The following MID2 variants were observed in gnomAD, a reference collection of about 807,000 sequenced individuals.
MID2 encodes probable E3 ubiquitin-protein ligase MID2.
MID2 carries 13 observed loss-of-function variants against 46.1 expected under a neutral mutation model. The observed-to-expected ratio is 0.28, with a 90% confidence interval of 0.18 to 0.45. MID2 has a LOEUF of 0.45. Among genes scored for constraint, MID2 ranks in the 20% least tolerant of loss-of-function variants. MID2 has a pLI of 1.00. For missense variants in MID2, 431 were observed against 575.4 expected (o/e 0.75, Z 2.57); for synonymous variants, 199 against 212.3 (o/e 0.94, Z 0.55).
chrX:107,926,791 A>G lies in MID2; in HGVS notation c.1926A>G (p.Glu642=). 1 of 1,211,590 alleles carries G rather than the reference A, an allele frequency of 8.3e-7. No homozygotes were observed. The highest frequency in any genetic ancestry group is 1.7e-5 in the African/African-American group (1 of 57,768). The part of the protein sequence containing the change: ...SNFVVRHNNK[E]MLVDVPPHLK... ...TCGTGGTGAGACACAACAACAAGGA[A>G]ATGCTGGTGGATGTGCCCCCACACC... is the stretch of plus-strand genomic sequence containing the variant. Residue 642 remains glutamate (E), a synonymous_variant, in exon 10 of 10, where the codon GAA becomes GAG. Transcript: ENST00000262843.
At chrX:107,852,587 G>T (rs1217580750) in intron 2 of MID2, among the ~76,000 whole-genome samples, 3 of 111,520 alleles carry the variant, frequency 2.7e-5, no homozygotes, top group Non-Finnish European at 5.6e-5. Flanking sequence ...CACTTCCATG[G>T]GAATAAAGCC....
intron 3 of MID2, among the ~76,000 whole-genome samples, chrX:107,859,197 T>C (rs1329205637): frequency 8.9e-6 from 1 of 111,775 alleles, no homozygotes; most frequent in Non-Finnish European, 1.9e-5. Context: ...GCATAAAATA[T>C]AAATATTTTA....
At chrX:107,910,815 T>TTCCTG in intron 5 of MID2, among the ~76,000 whole-genome samples, 1 of 36,381 alleles carries the variant, frequency 2.7e-5, no homozygotes, top group African/African-American at 3.7e-4. Context: ...TTCCTTTCCT[T>TTCCTG]TCCTTTCCTT....
At chrX:107,848,746 T>C (rs184897924) in intron 2 of MID2, among the ~76,000 whole-genome samples, 1 of 111,948 alleles carries the variant, frequency 8.9e-6, no homozygotes, top group African/African-American at 3.2e-5. Flanking sequence ...GTGAACCAGA[T>C]GGCATGTTCT....
intron 1 of MID2, among the ~76,000 whole-genome samples, chrX:107,829,067 A>G (rs1440511024): frequency 9.0e-6 from 1 of 111,495 alleles, no homozygotes; most frequent in Non-Finnish European, 1.9e-5. Context: ...TTTTGTAGAG[A>G]CAGGATTCAC....
In MID2 at chrX:107,830,601, A is replaced by G. The variant is rs187468055; in HGVS notation, c.4+4171A>G. ...AATTGTTTACATTTTGATAAATGAA[A>G]TTTTGGTACCAAGATGGTGTTGCAC... is the stretch of plus-strand genomic sequence containing the variant. On this transcript the variant is annotated intron_variant, in intron 1 of 9. Coordinates refer to ENST00000262843, the MANE Select transcript of MID2 (RefSeq NM_012216.4). 2.7e-5 allele frequency among the ~76,000 whole-genome samples: 3 copies of G among 112,186 alleles called. No homozygotes were observed. In the East Asian group the frequency reaches 8.3e-4, roughly 31 times the overall value.
chrX:107,854,580 C>G, intron 2 of MID2, 29 bp from the exon 3 acceptor site: 1 of 1,116,564 alleles, frequency 9.0e-7, no homozygotes, highest in Non-Finnish European at 1.2e-6. Context: ...CTCGGTTCCC[C>G]TCTGGATTCA....
intron 3 of MID2, among the ~76,000 whole-genome samples, chrX:107,900,002 C>T (rs938062504): frequency 2.7e-5 from 3 of 111,835 alleles, no homozygotes; most frequent in Non-Finnish European, 5.7e-5. Context: ...TCACAAAGAC[C>T]GGTTTTCCCT....
rs1931723796 is a variant in MID2 at position 107,855,638 on chromosome X, C to T, written c.816+934C>T. ...TTTTATTTCAATTTTATTAAGATCT[C>T]ATCTCTTAATCCAATCTATAGATTC... On this transcript the variant is annotated intron_variant, in intron 3 of 9. Coordinates refer to ENST00000262843, the MANE Select transcript of MID2 (RefSeq NM_012216.4). Among the ~76,000 whole-genome samples, 4 of 112,165 alleles carry T rather than the reference C, an allele frequency of 3.6e-5. No individual in the cohort carries two copies. In the South Asian group the frequency reaches 1.5e-3, roughly 41 times the overall value.
At chrX:107,911,267 C>T (rs965225872) in intron 5 of MID2, among the ~76,000 whole-genome samples, 3 of 111,372 alleles carry the variant, frequency 2.7e-5, no homozygotes, top group Non-Finnish European at 5.7e-5. Context: ...CTAATAATTT[C>T]CTCCCCTTTA....
At chrX:107,865,974 C>A (rs1037143521) in intron 3 of MID2, among the ~76,000 whole-genome samples, 1 of 112,206 alleles carries the variant, frequency 8.9e-6, no homozygotes, top group African/African-American at 3.2e-5. Flanking sequence ...GCCCAGGACA[C>A]GAGGAGGATT....
intron 2 of MID2, among the ~76,000 whole-genome samples, chrX:107,849,814 A>G (rs1931570252): frequency 8.9e-6 from 1 of 112,419 alleles, no homozygotes; most frequent in South Asian, 3.7e-4. Context: ...TGAAGAAGGT[A>G]TCACAGTTTC....
In MID2 at chrX:107,924,392, G is replaced by C; in HGVS notation, c.1485G>C (p.Gln495His). The change falls in exon 8 of 10, where the codon CAG (glutamine) becomes CAC (histidine). Residue 495 changes from glutamine (Q) to histidine (H), a missense_variant. By Grantham distance (24) the Gln-to-His change is conservative. Coordinates refer to ENST00000262843, the MANE Select transcript of MID2 (RefSeq NM_012216.4). ...DSWMIVPNIK[Q>H]NHYTVHGLQS... ...GGATGATTGTTCCCAACATTAAACA[G>C]AACCATTACACAGTGCATGGACTCC... 1 of 1,209,704 alleles carries C rather than the reference G, an allele frequency of 8.3e-7. No homozygotes were observed. Among genetic ancestry groups the C allele is most frequent in the Non-Finnish European group, 1.1e-6 (1 of 893,825 alleles).
intron 3 of MID2, among the ~76,000 whole-genome samples, chrX:107,889,296 G>T (rs1432131074): frequency 2.7e-5 from 3 of 111,736 alleles, no homozygotes; most frequent in African/African-American, 3.3e-5. Flanking sequence ...TCCTTCAGGA[G>T]CTCTTTTAGG....
intron 3 of MID2, among the ~76,000 whole-genome samples, chrX:107,898,417 T>C (rs1174773429): frequency 1.8e-5 from 2 of 112,336 alleles, no homozygotes; most frequent in Non-Finnish European, 3.8e-5. Flanking sequence ...CATTTCTAGC[T>C]GCCCAAGTCT....
Position 107,841,342 on chromosome X carries a change from A to G in MID2, c.677A>G (p.Asp226Gly), listed in dbSNP as rs749167537. The change falls in exon 2 of 10, where the codon GAC becomes GGC. Residue 226 changes from aspartate (D) to glycine (G), a missense_variant. Coordinates refer to ENST00000262843, the MANE Select transcript of MID2 (RefSeq NM_012216.4). ...ALCKLVGRHRDHQVASLNDRF... is the reference protein window; with the variant it reads ...ALCKLVGRHRGHQVASLNDRF... ...TGCAAACTGGTGGGTCGTCACCGAG[A>G]CCATCAGGTCGCATCCCTGAATGAT... 8 of 1,206,184 alleles carry G rather than the reference A, an allele frequency of 6.6e-6. No homozygotes were observed. The highest frequency in any genetic ancestry group is 6.7e-6 in the Non-Finnish European group (6 of 892,810).
At chrX:107,841,557 T>C (rs939151574) in intron 2 of MID2, among the ~76,000 whole-genome samples, 172 bp downstream of exon 2, 1 of 112,794 alleles carries the variant, frequency 8.9e-6, no homozygotes, top group Non-Finnish European at 1.9e-5. Context: ...ATCTCATCTG[T>C]TGCATAAACA....
rs1287671833 is a variant in MID2, at chrX:107,929,010, T to C, written c.*1937T>C. On this transcript the variant is annotated 3_prime_UTR_variant, in exon 10 of 10. Transcript: ENST00000262843. ...CTAGTTTCTGTACCATTTATTAGCGTTGTGACCTAGGACAAGTACCTCACT... is the reference window on the plus strand; with the variant it reads ...CTAGTTTCTGTACCATTTATTAGCGCTGTGACCTAGGACAAGTACCTCACT... Among the ~76,000 whole-genome samples, 1 of 111,884 alleles carries C rather than the reference T, an allele frequency of 8.9e-6. No homozygotes were observed. The highest frequency in any genetic ancestry group is 1.9e-5 in the Non-Finnish European group (1 of 53,055).
At chrX:107,881,222 G>C (rs901421401) in intron 3 of MID2, among the ~76,000 whole-genome samples, 2 of 112,487 alleles carry the variant, frequency 1.8e-5, no homozygotes, top group African/African-American at 6.5e-5. Flanking sequence ...GGCAGTAGTA[G>C]AGAGCAGGAG....
Sources: allele counts gnomAD v4.1 joint callset (sites outside exome capture counted in the v4.1 genomes callset), GRCh38; gene constraint gnomAD v4.1.1; transcripts MANE v1.5; gene names NCBI Gene and HGNC (gene_info 2026-07-23, HGNC 2026-07-21).